Variants in RPSA2 observed in about 807,000 individuals in gnomAD.
RPSA2 encodes the protein ribosomal protein SA 2.
At chr19:23,870,303 T>C in the RPSA2 span, among the ~76,000 whole-genome samples, 2 of 152,192 alleles carry the variant, frequency 1.3e-5, no homozygotes, top group African/African-American at 4.8e-5. Context: ...AGAGTAAAAT[T>C]AACACTGAGT....
chr19:23,773,281 TATA>T, the RPSA2 span, among the ~76,000 whole-genome samples: 1 of 69,152 alleles, frequency 1.4e-5, no homozygotes, highest in Non-Finnish European at 2.7e-5. Flanking sequence ...TATATATATA[TATA>T]TATCAAATTT....
chr19:23,833,226 A>G, the RPSA2 span: 6 of 1,088,940 alleles, frequency 5.5e-6, no homozygotes, highest in African/African-American at 2.7e-5. Flanking sequence ...AACCCTACAA[A>G]TGGGAAAAAT....
chr19:23,761,926 T>TCCTTCCTTCCTTCCTTCC, the RPSA2 span, among the ~76,000 whole-genome samples: 28 of 124,826 alleles, frequency 2.2e-4, 3 homozygotes, highest in East Asian at 1.1e-3. Flanking sequence ...CTTTCTTTTT[T>TCCTTCCTTCCTTCCTTCC]TTTTTTTTTG....
the RPSA2 span, among the ~76,000 whole-genome samples, chr19:23,852,626 T>G: frequency 2.8e-5 from 4 of 144,244 alleles, no homozygotes; most frequent in Non-Finnish European, 6.1e-5. Flanking sequence ...ATTTTCCGCC[T>G]GGGTGGGCCA....
At chr19:23,833,582 A>G in the RPSA2 span, among the ~76,000 whole-genome samples, 1 of 152,084 alleles carries the variant, frequency 6.6e-6, no homozygotes, top group African/African-American at 2.4e-5. Flanking sequence ...GCTTCTAACT[A>G]ATGCTCACAC....
chr19:23,771,473 G>T, the RPSA2 span, among the ~76,000 whole-genome samples: 1 of 152,178 alleles, frequency 6.6e-6, no homozygotes, highest in African/African-American at 2.4e-5. Context: ...CTAAAAAAAT[G>T]TGTGAAATTG....
chr19:23,834,885 G>A, the RPSA2 span, among the ~76,000 whole-genome samples: 1 of 151,744 alleles, frequency 6.6e-6, no homozygotes, highest in Non-Finnish European at 1.5e-5. Flanking sequence ...TGTTCCTATA[G>A]GTTATATTTT....
chr19:23,768,060 C>T, the RPSA2 span, among the ~76,000 whole-genome samples: 10 of 152,040 alleles, frequency 6.6e-5, no homozygotes, highest in Non-Finnish European at 1.0e-4. Context: ...CCACCACGCC[C>T]GGCCCAATTT....
At chr19:23,789,712 CTT>C in the RPSA2 span, among the ~76,000 whole-genome samples, 26 of 144,654 alleles carry the variant, frequency 1.8e-4, no homozygotes, top group Admixed American at 2.1e-4. Context: ...TATTGTGTTA[CTT>C]TTTTTTTTTT....
the RPSA2 span, chr19:23,790,844 TG>T: frequency 1.9e-6 from 1 of 534,122 alleles, no homozygotes; most frequent in Non-Finnish European, 3.4e-6. Context: ...GCAGCTGTGG[TG>T]GGACTCAGGC....
At chr19:23,828,391 G>A in the RPSA2 span, among the ~76,000 whole-genome samples, 1 of 142,134 alleles carries the variant, frequency 7.0e-6, no homozygotes, top group Non-Finnish European at 1.5e-5. Flanking sequence ...TTTGAGGTTG[G>A]TGTTTCTATT....
chr19:23,795,466 A>G, the RPSA2 span, among the ~76,000 whole-genome samples: 1 of 151,902 alleles, frequency 6.6e-6, no homozygotes, highest in African/African-American at 2.4e-5. Context: ...TATAATTTGT[A>G]TTTGGCATGG....
the RPSA2 span, among the ~76,000 whole-genome samples, chr19:23,777,253 C>T: frequency 2.6e-5 from 4 of 152,240 alleles, no homozygotes; most frequent in South Asian, 6.2e-4. Context: ...TCCTAGGTGA[C>T]GTTATTCTTT....
the RPSA2 span, among the ~76,000 whole-genome samples, chr19:23,812,126 T>A: frequency 6.6e-6 from 1 of 152,174 alleles, no homozygotes; most frequent in African/African-American, 2.4e-5. Flanking sequence ...TATTATTGTC[T>A]TGTAGTTCTA....
the RPSA2 span, chr19:23,832,981 G>A: frequency 2.2e-3 from 3,207 of 1,466,618 alleles, 60 homozygotes; most frequent in African/African-American, 0.038. Flanking sequence ...CAAGTGTGAA[G>A]AATGTGGCAA....
chr19:23,802,317 T>A, the RPSA2 span, among the ~76,000 whole-genome samples: 1 of 152,322 alleles, frequency 6.6e-6, no homozygotes, highest in East Asian at 1.9e-4. Context: ...AATGTGATAC[T>A]AGAGTGTTAT....
the RPSA2 span, chr19:23,790,908 G>T: frequency 2.1e-6 from 1 of 468,994 alleles, no homozygotes; most frequent in Non-Finnish European, 3.8e-6. Flanking sequence ...TGCCCAGGTT[G>T]GCATCCGTCC....
the RPSA2 span, among the ~76,000 whole-genome samples, chr19:23,800,738 C>T: frequency 4.6e-5 from 7 of 152,150 alleles, no homozygotes; most frequent in East Asian, 1.9e-4. Flanking sequence ...CTCAGTGTCC[C>T]GAGTAGCTGG....
chr19:23,842,247 T>G, the RPSA2 span, among the ~76,000 whole-genome samples: 1 of 152,232 alleles, frequency 6.6e-6, no homozygotes, highest in Admixed American at 6.5e-5. Context: ...CACAGCTTAC[T>G]CTGTATAATC....
Sources: allele counts gnomAD v4.1 joint callset (sites outside exome capture counted in the v4.1 genomes callset), GRCh38; gene constraint gnomAD v4.1.1; transcripts MANE v1.5; gene names NCBI Gene and HGNC (gene_info 2026-07-23, HGNC 2026-07-21).